Variants in TRIP12 observed in about 807,000 individuals in gnomAD.
TRIP12 encodes the protein E3 ubiquitin-protein ligase TRIP12.
A neutral mutation model predicts 244.2 loss-of-function variants in TRIP12; 25 were observed. That is an observed-to-expected ratio of 0.10 (90% CI 0.07 to 0.14). The LOEUF (loss-of-function observed/expected upper bound fraction) is 0.14, where lower values mean the gene tolerates loss of function less well. TRIP12 is among the 10% of genes least tolerant of loss of function. The probability of loss-of-function intolerance (pLI) is 1.00; values close to 1 mark genes in which losing one functional copy is unlikely to be tolerated. For missense variants in TRIP12, 1,677 were observed against 2,486.4 expected (o/e 0.67, Z 6.92); for synonymous variants, 905 against 873.1 (o/e 1.04, Z -0.64).
At chr2:229,884,910 T>C (rs2065698540) in intron 1 of TRIP12, among the ~76,000 whole-genome samples, 2 of 152,126 alleles carry the variant, frequency 1.3e-5, no homozygotes, top group Admixed American at 1.3e-4. Context: ...GACGAGGCTG[T>C]GGCAGGCCGT....
chr2:229,783,805 T>C (rs2039083081), intron 34 of TRIP12, among the ~76,000 whole-genome samples: 2 of 135,092 alleles, frequency 1.5e-5, no homozygotes, highest in Non-Finnish European at 3.1e-5. Flanking sequence ...AACCAAACCA[T>C]CTTTTAAAAA....
rs529110822 is a variant in TRIP12, at chr2:229,913,007, C to T, written c.-50+8873G>A. On this transcript the variant is annotated intron_variant, in intron 1 of 41. Transcript: ENST00000675903. The stretch of plus-strand genomic sequence containing the variant: ...CTGGGGCTACAGGCATGCACCACCA[C>T]ATCAGGCTAATTTTTTATTTTTAGT... Among the ~76,000 whole-genome samples the T allele has an allele frequency of 3.3e-5, 5 of 152,190 alleles. No homozygotes were observed. The South Asian group carries it at 1.0e-3, about 32-fold the overall frequency.
chr2:229,866,137 C>T (rs1425256567), intron 2 of TRIP12, among the ~76,000 whole-genome samples: 1 of 152,156 alleles, frequency 6.6e-6, no homozygotes, highest in Non-Finnish European at 1.5e-5. Flanking sequence ...TTATGAAAAG[C>T]CCTGACAGTG....
At chr2:229,900,503 G>C (rs937343009) in intron 1 of TRIP12, among the ~76,000 whole-genome samples, 1 of 152,146 alleles carries the variant, frequency 6.6e-6, no homozygotes, top group Non-Finnish European at 1.5e-5. Context: ...ATATTTTTCA[G>C]TTGATAAGAT....
chr2:229,799,945 C>T (rs1401102348), intron 21 of TRIP12, among the ~76,000 whole-genome samples: 5 of 152,240 alleles, frequency 3.3e-5, no homozygotes, highest in East Asian at 3.9e-4. Flanking sequence ...GATAAGATGA[C>T]TGATCAATTT....
At chr2:229,768,013 C>T (rs566133060) in intron 41 of TRIP12, among the ~76,000 whole-genome samples, 2 of 152,254 alleles carry the variant, frequency 1.3e-5, no homozygotes, top group Admixed American at 6.5e-5. Context: ...CCCGTAATCC[C>T]AGCACTCTGG....
At chr2:229,913,988 C>T (rs982560461) in intron 1 of TRIP12, among the ~76,000 whole-genome samples, 6 of 152,054 alleles carry the variant, frequency 3.9e-5, no homozygotes, top group African/African-American at 1.4e-4. Context: ...GAGATACAGG[C>T]CAGGCGCGGT....
intron 6 of TRIP12, among the ~76,000 whole-genome samples, chr2:229,832,772 A>G (rs1053670570): frequency 6.6e-6 from 1 of 152,228 alleles, no homozygotes; most frequent in Non-Finnish European, 1.5e-5. Flanking sequence ...TGACTCAAAT[A>G]TATTCTTTAG....
rs2037409593 is a variant in TRIP12 at position 229,779,550 on chromosome 2, C to CAGT, written c.5095-563_5095-561dup. Among the ~76,000 whole-genome samples the CAGT allele has an allele frequency of 2.0e-5, 3 of 152,312 alleles. No individual in the cohort carries two copies. The South Asian group carries it at 6.2e-4, about 32-fold the overall frequency. On this transcript the variant is annotated intron_variant, in intron 34 of 41. Coordinates refer to ENST00000675903, the MANE Select transcript of TRIP12 (RefSeq NM_001348323.3). ...GTTATCTCTGATAGTACCTGACACACAGTAGCCATTTAATAGAGATATGTC... is the reference window on the plus strand; with the variant it reads ...GTTATCTCTGATAGTACCTGACACACAGTAGTAGCCATTTAATAGAGATATGTC...
intron 19 of TRIP12, 28 bp downstream of exon 19, chr2:229,803,971 A>T: frequency 6.4e-7 from 1 of 1,556,546 alleles, no homozygotes; most frequent in Non-Finnish European, 8.7e-7. Context: ...GTATTTGTAA[A>T]ATGTTTCTAC....
intron 4 of TRIP12, among the ~76,000 whole-genome samples, chr2:229,853,861 TATC>T (rs1051384806): frequency 1.3e-5 from 2 of 152,194 alleles, no homozygotes; most frequent in African/African-American, 4.8e-5. Context: ...ATAGGGTTGG[TATC>T]ATAACTACAG....
chr2:229,765,166 G>A lies in TRIP12; in HGVS notation c.*2388C>T, dbSNP rs2031384850. The A allele has an allele frequency of 6.6e-6, 1 of 152,108 alleles. No individual in the cohort carries two copies. Among genetic ancestry groups the A allele is most frequent in the Non-Finnish European group, 1.5e-5 (1 of 68,012 alleles). 9.4% of individuals were successfully genotyped at this position (152,108 alleles called of 1,614,324 possible). A position where few individuals can be genotyped will look rare whatever the true frequency, so the allele number is the denominator to read the frequency against. On this transcript the variant is annotated 3_prime_UTR_variant, in exon 42 of 42. Transcript: ENST00000675903. The stretch of plus-strand genomic sequence containing the variant: ...CTGTCTAAATGACAACACAAATTCG[G>A]TGTTAGCTATGACTAACATCTGACT...
Position 229,859,280 on chromosome 2 carries a change from G to A in TRIP12, c.519C>T (p.Ser173=). 6.2e-7 allele frequency: 1 copy of A among 1,614,198 alleles called. No individual in the cohort carries two copies. The highest frequency in any genetic ancestry group is 1.3e-5 in the African/African-American group (1 of 75,044). ...QLKSAQSPST[S]KAHTRKSGAT... ...CCCCACTCTTCCTGGTATGAGCCTTGCTTGTTGATGGTGATTGTGCAGATT... is the reference window on the plus strand; with the variant it reads ...CCCCACTCTTCCTGGTATGAGCCTTACTTGTTGATGGTGATTGTGCAGATT... Residue 173 remains serine, a synonymous_variant, in exon 4 of 42, where the codon AGC becomes AGT. Transcript: ENST00000675903.
intron 4 of TRIP12, among the ~76,000 whole-genome samples, chr2:229,841,156 A>G (rs2056336249): frequency 6.6e-6 from 1 of 152,144 alleles, no homozygotes; most frequent in African/African-American, 2.4e-5. Flanking sequence ...CCTTGACCCA[A>G]GCTATCCCCA....
intron 4 of TRIP12, among the ~76,000 whole-genome samples, chr2:229,857,985 T>C (rs2059891928): frequency 6.6e-6 from 1 of 152,214 alleles, no homozygotes; most frequent in South Asian, 2.1e-4. Flanking sequence ...AGATATTACA[T>C]ATGAAAAAGT....
rs182053889 is a variant in TRIP12, at chr2:229,884,540, C to T, written c.-49-4412G>A. On this transcript the variant is annotated intron_variant, in intron 1 of 41. Coordinates refer to ENST00000675903, the MANE Select transcript of TRIP12 (RefSeq NM_001348323.3). ...GCGTGGACCACTGCCTGTGCCTGGC[C>T]GGAAATTAATTTTTCTTCTAAATTC... Among the ~76,000 whole-genome samples, 250 of 151,924 alleles carry T rather than the reference C, an allele frequency of 1.6e-3. 1 individual carries two copies. The East Asian group carries it at 0.02, about 12-fold the overall frequency.
chr2:229,833,723 A>C (rs1458554778), intron 6 of TRIP12, among the ~76,000 whole-genome samples: 1 of 152,210 alleles, frequency 6.6e-6, no homozygotes, highest in East Asian at 1.9e-4. Flanking sequence ...TAGGTTATCT[A>C]AAGTGGGAGT....
chr2:229,832,676 C>G (rs979712392), intron 6 of TRIP12, among the ~76,000 whole-genome samples: 2 of 152,196 alleles, frequency 1.3e-5, no homozygotes, highest in Non-Finnish European at 2.9e-5. Context: ...TTTGAGCATA[C>G]TTGGCCAAGG....
Position 229,771,642 on chromosome 2 carries a change from G to GA in TRIP12, c.5695-11dup. 1 of 1,607,072 alleles carries GA rather than the reference G, an allele frequency of 6.2e-7. No homozygotes were observed. The highest frequency in any genetic ancestry group is 8.5e-7 in the Non-Finnish European group (1 of 1,174,678). ...CCCAGAATATAACCAGCTGCAAAAAGAAAGTTTTCAAAAAACTGTGACAAG... is the reference window on the plus strand; with the variant it reads ...CCCAGAATATAACCAGCTGCAAAAAGAAAAGTTTTCAAAAAACTGTGACAAG... On this transcript the variant is annotated splice_polypyrimidine_tract_variant and intron_variant, in intron 38 of 41. Transcript: ENST00000675903.
Sources: allele counts gnomAD v4.1 joint callset (sites outside exome capture counted in the v4.1 genomes callset), GRCh38; gene constraint gnomAD v4.1.1; transcripts MANE v1.5; gene names NCBI Gene and HGNC (gene_info 2026-07-23, HGNC 2026-07-21).